TKFC: variants seen among roughly 807,000 people sequenced by gnomAD.
TKFC encodes the protein triokinase/FMN cyclase.
Under a neutral mutation model 61.0 loss-of-function variants are expected in TKFC, and 46 were observed. The observed-to-expected ratio is 0.75, with a 90% confidence interval of 0.60 to 0.96. The LOEUF (loss-of-function observed/expected upper bound fraction) is 0.96, where lower values mean the gene tolerates loss of function less well. TKFC is among the 50% of genes least tolerant of loss of function. TKFC has a pLI of 0.00. For missense variants in TKFC, 715 were observed against 777.5 expected, an observed-to-expected ratio of 0.92 and a Z score of 0.96; for synonymous variants, 314 against 330.1, an observed-to-expected ratio of 0.95 and a Z score of 0.53.
chr11:61,351,084 C>T, downstream of TKFC: 1 of 1,614,014 alleles, frequency 6.2e-7, no homozygotes, highest in Non-Finnish European at 8.5e-7. Context: ...CCACCAGCAT[C>T]CCGGTGCTGT....
chr11:61,343,593 C>T, intron 11 of TKFC, 135 bp downstream of exon 11: 1 of 848,278 alleles, frequency 1.2e-6, no homozygotes. Flanking sequence ...TCTTCCTGGG[C>T]TTCTCCAGCC....
In TKFC at chr11:61,346,810, T is replaced by C. The variant is rs557521967; in HGVS notation, c.*307T>C. The C allele has an allele frequency of 2.8e-5, 32 of 1,133,010 alleles. No homozygotes were observed. Among genetic ancestry groups the C allele is most frequent in the Non-Finnish European group, 7.6e-6 (7 of 924,042 alleles). The allele number at this position is 1,133,010 out of a possible 1,614,324, so 70.2% of individuals were successfully genotyped here. A position where few individuals can be genotyped will look rare whatever the true frequency, so the allele number is the denominator to read the frequency against. ...TAAGGCATTTTCCTTGTGCAGCCTT[T>C]ACCTGGCAATCCTAATTTGGTTTTA... On this transcript the variant is annotated 3_prime_UTR_variant, in exon 18 of 18. Transcript: ENST00000394900. This position sits in a 1 kb window ranked among gnomAD's most constrained non-coding sequence, Gnocchi z 4.1.
downstream of TKFC, chr11:61,350,331 A>G: frequency 6.3e-7 from 1 of 1,574,856 alleles, no homozygotes; most frequent in Non-Finnish European, 8.6e-7. Flanking sequence ...AGCCCTGGGA[A>G]GAGCAGAGCT....
rs1241399186 is a variant in TKFC at position 61,347,869 on chromosome 11, C to T, written c.*1366C>T. The T allele has an allele frequency of 6.1e-6, 6 of 983,794 alleles. No individual in the cohort carries two copies. Among genetic ancestry groups the T allele is most frequent in the Non-Finnish European group, 7.2e-6 (6 of 828,532 alleles). 60.9% of individuals were successfully genotyped at this position (983,794 alleles called of 1,614,324 possible). On this transcript the variant is annotated 3_prime_UTR_variant, in exon 18 of 18. Coordinates refer to ENST00000394900, the MANE Select transcript of TKFC (RefSeq NM_015533.4). ...ATTGATGAAGATGGGCCATAAAGCC[C>T]AGCACAGTCCAAGTGCTCACTCACT... is the stretch of plus-strand genomic sequence containing the variant.
chr11:61,345,690 T>C (rs1252080568), intron 15 of TKFC, 22 bp from the exon 16 acceptor site: 1 of 1,614,182 alleles, frequency 6.2e-7, no homozygotes, highest in South Asian at 1.1e-5. Flanking sequence ...AGTGAGCCTC[T>C]TTCACTCTCT....
chr11:61,350,255 G>A (rs897008193), downstream of TKFC: 8 of 1,119,700 alleles, frequency 7.1e-6, no homozygotes, highest in Non-Finnish European at 8.9e-6. Flanking sequence ...GAGAGGGCAG[G>A]CCAGCACCCA....
downstream of TKFC, chr11:61,349,615 C>G (rs371157549): frequency 1.3e-3 from 942 of 702,936 alleles, 9 homozygotes; most frequent in Non-Finnish European, 2.0e-4. Context: ...AGGGAAAGGC[C>G]GGGATCCAGG....
downstream of TKFC, chr11:61,349,710 G>A (rs761849538): frequency 1.2e-5 from 8 of 693,486 alleles, no homozygotes; most frequent in African/African-American, 3.5e-5. Flanking sequence ...AAACAGAACA[G>A]CTCAGAGCGG....
chr11:61,343,731 G>A (rs1856976137), intron 11 of TKFC, 125 bp from the exon 12 acceptor site: 1 of 1,380,488 alleles, frequency 7.2e-7, no homozygotes, highest in African/African-American at 1.4e-5. Context: ...GCTTGTCGAG[G>A]TGGACTCCCT....
At chr11:61,338,957 A>G (rs1010872661) in intron 3 of TKFC, 109 bp from the exon 4 acceptor site, 2 of 910,136 alleles carry the variant, frequency 2.2e-6, no homozygotes, top group Non-Finnish European at 3.4e-6. Flanking sequence ...TTTGAGCACC[A>G]AGCACACAGT....
chr11:61,334,402 A>G, intron 1 of TKFC: 1 of 324,800 alleles, frequency 3.1e-6, no homozygotes, highest in Non-Finnish European at 5.9e-6. Context: ...ATAAAGGCAG[A>G]CCTGTGCTTG....
intron 2 of TKFC, among the ~76,000 whole-genome samples, chr11:61,337,636 T>G (rs1335894907): frequency 6.6e-6 from 1 of 152,218 alleles, no homozygotes; most frequent in East Asian, 1.9e-4. Flanking sequence ...CCCAGTTTTA[T>G]TAAAATATTT....
chr11:61,342,442 T>C lies in TKFC; in HGVS notation c.656-19T>C, dbSNP rs1319608329. The C allele has an allele frequency of 6.2e-7, 1 of 1,613,926 alleles. No homozygotes were observed. Among genetic ancestry groups the C allele is most frequent in the South Asian group, 1.1e-5 (1 of 91,088 alleles). On this transcript the variant is annotated intron_variant, in intron 7 of 17. Transcript: ENST00000394900. ...CCCCAGGCCTTGAGTGGGTCAGCAG[T>C]GACCACATCTATCCGCAGGGATCCA...
At chr11:61,337,755 G>A (rs1856671146) in intron 2 of TKFC, among the ~76,000 whole-genome samples, 186 bp from the exon 3 acceptor site, 1 of 152,206 alleles carries the variant, frequency 6.6e-6, no homozygotes, top group Non-Finnish European at 1.5e-5. Context: ...TGAATAGAAA[G>A]TCACACATTA....
downstream of TKFC, chr11:61,349,737 A>T: frequency 1.5e-6 from 1 of 677,662 alleles, no homozygotes; most frequent in Non-Finnish European, 2.7e-6. Context: ...CCTCAGCAGA[A>T]GCTGCGTGGG....
chr11:61,337,255 C>T (rs1565046583), intron 2 of TKFC, among the ~76,000 whole-genome samples: 2 of 152,218 alleles, frequency 1.3e-5, no homozygotes, highest in Admixed American at 1.3e-4. Context: ...AAGTGATCCT[C>T]CCACCTCAGC....
rs1857141364 is a variant in TKFC at position 61,346,623 on chromosome 11, T to C, written c.*120T>C. On this transcript the variant is annotated 3_prime_UTR_variant, in exon 18 of 18. Coordinates refer to ENST00000394900, the MANE Select transcript of TKFC (RefSeq NM_015533.4). The surrounding 1 kb of genome is among the most constrained non-coding windows in gnomAD (Gnocchi z 4.1). ...CCGGCCTGGCCCCATTGGCCCACCC[T>C]CTAAGTTGAGCAGGAAATCCTCCAC... 2.0e-6 allele frequency: 3 copies of C among 1,484,518 alleles called. No homozygotes were observed. The highest frequency in any genetic ancestry group is 4.6e-5 in the East Asian group (2 of 43,480). 92.0% of individuals were successfully genotyped at this position (1,484,518 alleles called of 1,614,324 possible).
At position 61,344,198 on chromosome 11, in the gene TKFC, G is replaced by A. The variant is rs775878020; in HGVS notation, c.1165G>A (p.Glu389Lys). The A allele has an allele frequency of 6.8e-6, 11 of 1,612,616 alleles. No homozygotes were observed. In the South Asian group the frequency reaches 1.1e-4, roughly 16 times the overall value. ...ERVCSTLLGLEEHLNALDRAA... is the reference protein window; with the variant it reads ...ERVCSTLLGLKEHLNALDRAA... Reference sequence around the variant, plus strand: ...GGTGTGCAGCACTCTCCTGGGCCTGGAGGAACACCTGAATGCCCTGGACCG... The same window carrying A: ...GGTGTGCAGCACTCTCCTGGGCCTGAAGGAACACCTGAATGCCCTGGACCG... The change falls in exon 13 of 18, where the codon GAG (glutamate) becomes AAG (lysine). Residue 389 changes from glutamate to lysine, a missense_variant. Physicochemically the swap from Glu to Lys is moderately conservative, Grantham distance 56. Coordinates refer to ENST00000394900, the MANE Select transcript of TKFC (RefSeq NM_015533.4).
intron 7 of TKFC, 146 bp from the exon 8 acceptor site, chr11:61,342,315 A>G: frequency 9.8e-7 from 1 of 1,016,976 alleles, no homozygotes; most frequent in Non-Finnish European, 1.5e-6. Flanking sequence ...GAGAACAGAG[A>G]TCGTGTTTTT....
Sources: allele counts gnomAD v4.1 joint callset (sites outside exome capture counted in the v4.1 genomes callset), GRCh38; gene constraint gnomAD v4.1.1; non-coding constraint Gnocchi (gnomAD v3.1); transcripts MANE v1.5; gene names NCBI Gene and HGNC (gene_info 2026-07-23, HGNC 2026-07-21).